FBXO42: variants seen among roughly 807,000 people sequenced by gnomAD.
FBXO42 encodes F-box only protein 42.
Under a neutral mutation model 71.7 loss-of-function variants are expected in FBXO42, and 12 were observed. The observed-to-expected ratio is 0.17, with a 90% CI of 0.11 to 0.27. The LOEUF is 0.27. Among genes scored for constraint, FBXO42 ranks in the 10% least tolerant of loss-of-function variants. The pLI is 1.00. For missense variants in FBXO42, 707 were observed against 911.9 expected (o/e 0.78, Z 2.89); for synonymous variants, 325 against 327.5 (o/e 0.99, Z 0.08).
chr1:16,275,256 C>T (rs773631586), intron 4 of FBXO42, among the ~76,000 whole-genome samples: 4 of 152,172 alleles, frequency 2.6e-5, no homozygotes, highest in African/African-American at 9.7e-5. Flanking sequence ...CCCATCATCA[C>T]TTCTAGAGAG....
chr1:16,305,323 G>A (rs2082238418), intron 3 of FBXO42, among the ~76,000 whole-genome samples: 1 of 152,184 alleles, frequency 6.6e-6, no homozygotes, highest in South Asian at 2.1e-4. Context: ...AGGAGGTCGA[G>A]GCTGCAGTGA....
At chr1:16,338,070 T>G (rs2082569119) in intron 1 of FBXO42, among the ~76,000 whole-genome samples, 1 of 151,328 alleles carries the variant, frequency 6.6e-6, no homozygotes, top group Non-Finnish European at 1.5e-5. Context: ...CCATCCTGGC[T>G]AACACAGTGA....
intron 4 of FBXO42, 158 bp downstream of exon 4, chr1:16,294,625 C>T (rs1027943845): frequency 2.8e-6 from 2 of 709,014 alleles, no homozygotes; most frequent in African/African-American, 3.6e-5. Context: ...AAGACTTACA[C>T]AAGCATATTA....
intron 4 of FBXO42, among the ~76,000 whole-genome samples, chr1:16,274,363 G>A (rs1383513932): frequency 2.6e-5 from 4 of 151,904 alleles, no homozygotes; most frequent in African/African-American, 7.3e-5. Context: ...CAAAGCCACA[G>A]TGTTAGAAGT....
chr1:16,306,206 A>G (rs2082249340), intron 2 of FBXO42, among the ~76,000 whole-genome samples: 1 of 151,898 alleles, frequency 6.6e-6, no homozygotes, highest in Non-Finnish European at 1.5e-5. Context: ...TTTAGTAGAG[A>G]TGGGGTTTCA....
Position 16,250,715 on chromosome 1 carries a change from G to A in FBXO42, c.2109C>T (p.Tyr703=), listed in dbSNP as rs755171781. ...GLMDKKQNVK[Y]YPKTNALYFV... ...AGTACAAGGCGTTTGTTTTTGGATAGTACTTCACATTCTGTTTCTTGTCCA... is the reference window on the plus strand; with the variant it reads ...AGTACAAGGCGTTTGTTTTTGGATAATACTTCACATTCTGTTTCTTGTCCA... Residue 703 remains tyrosine (Y), a synonymous_variant, in exon 10 of 10, where the codon TAC becomes TAT. Coordinates refer to ENST00000375592, the MANE Select transcript of FBXO42 (RefSeq NM_018994.3). This position sits in a 1 kb window ranked among gnomAD's most constrained non-coding sequence, Gnocchi z 4.7. 3.1e-6 allele frequency: 5 copies of A among 1,614,024 alleles called. No homozygotes were observed. In the Admixed American group the frequency reaches 6.7e-5, roughly 22 times the overall value.
At chr1:16,329,178 A>T (rs1193077592) in intron 1 of FBXO42, among the ~76,000 whole-genome samples, 1 of 151,308 alleles carries the variant, frequency 6.6e-6, no homozygotes, top group East Asian at 1.9e-4. Flanking sequence ...AAAAAAAAAA[A>T]AAAAGAAAAT....
chr1:16,267,655 T>G (rs1443971971), intron 4 of FBXO42, among the ~76,000 whole-genome samples: 1 of 152,214 alleles, frequency 6.6e-6, no homozygotes, highest in Non-Finnish European at 1.5e-5. Flanking sequence ...CATTTTTTTC[T>G]TCCTATTTTA....
intron 4 of FBXO42, among the ~76,000 whole-genome samples, chr1:16,257,361 T>C (rs2081657565): frequency 6.6e-6 from 1 of 152,170 alleles, no homozygotes; most frequent in Admixed American, 6.5e-5. Context: ...CATAACCAGA[T>C]AGCCTCAGCC....
chr1:16,299,708 G>A (rs970897273), intron 3 of FBXO42, among the ~76,000 whole-genome samples: 3 of 151,876 alleles, frequency 2.0e-5, no homozygotes, highest in Non-Finnish European at 4.4e-5. Context: ...GCAGTGGCAC[G>A]ATCTCGGCTC....
Position 16,255,801 on chromosome 1 carries a change from G to A in FBXO42, c.677C>T (p.Thr226Ile). The change falls in exon 6 of 10, where the codon ACC (threonine) becomes ATC (isoleucine). Residue 226 changes from threonine (T) to isoleucine (I), a missense_variant. Transcript: ENST00000375592. ...SKNWWNCIVT[T>I]HGPPPMAGHS... is the part of the protein sequence containing the mutation. The stretch of plus-strand genomic sequence containing the variant: ...GCCAGCCATGGGAGGTGGCCCATGG[G>A]TTGTCACAATGCAGTTCCACCTAAT... The A allele has an allele frequency of 6.2e-7, 1 of 1,613,656 alleles. No individual in the cohort carries two copies. The highest frequency in any genetic ancestry group is 8.5e-7 in the Non-Finnish European group (1 of 1,179,800).
chr1:16,251,404 A>G lies in FBXO42; in HGVS notation c.1420T>C (p.Tyr474His). 6.2e-7 allele frequency: 1 copy of G among 1,614,112 alleles called. No homozygotes were observed. The highest frequency in any genetic ancestry group is 1.3e-5 in the African/African-American group (1 of 75,036). The change falls in exon 10 of 10, where the codon TAC becomes CAC. Residue 474 changes from tyrosine (Y) to histidine (H), a missense_variant. This residue lies in a region of FBXO42 where 482 missense variants were observed against 587.1 expected (regional missense o/e 0.82). Coordinates refer to ENST00000375592, the MANE Select transcript of FBXO42 (RefSeq NM_018994.3). The surrounding 1 kb of genome is among the most constrained non-coding windows in gnomAD (Gnocchi z 4.5). The stretch of plus-strand genomic sequence containing the variant: ...AAAGAAAGTCCTATTTTCAGGTCGT[A>G]TCCTTCAGGAGCAGATGGAGTACTT... Reference protein sequence around the residue: ...SPSTPSAPEGYDLKIGLSLAP... With the variant: ...SPSTPSAPEGHDLKIGLSLAP...
chr1:16,260,721 G>C (rs2081702125), intron 4 of FBXO42, among the ~76,000 whole-genome samples: 1 of 150,702 alleles, frequency 6.6e-6, no homozygotes, highest in Non-Finnish European at 1.5e-5. Context: ...TTTGAGATGA[G>C]GTCTCACTCT....
chr1:16,332,047 C>G (rs1184703132), intron 1 of FBXO42, among the ~76,000 whole-genome samples: 1 of 151,044 alleles, frequency 6.6e-6, no homozygotes, highest in Non-Finnish European at 1.5e-5. Flanking sequence ...AAAACTCCAT[C>G]TCCAAAAAAA....
intron 4 of FBXO42, among the ~76,000 whole-genome samples, chr1:16,263,545 A>G (rs1270843145): frequency 6.6e-6 from 1 of 151,802 alleles, no homozygotes; most frequent in African/African-American, 2.4e-5. Context: ...AACATGGTGA[A>G]GCCCCGTCTC....
intron 2 of FBXO42, among the ~76,000 whole-genome samples, chr1:16,310,490 C>A (rs950193022): frequency 2.2e-4 from 33 of 152,212 alleles, no homozygotes; most frequent in African/African-American, 7.7e-4. Flanking sequence ...CTGATCACGC[C>A]ACTAGACTCC....
chr1:16,313,883 T>C (rs906624797), intron 2 of FBXO42, among the ~76,000 whole-genome samples: 5 of 152,186 alleles, frequency 3.3e-5, no homozygotes, highest in African/African-American at 1.2e-4. Context: ...AGCCACTAAC[T>C]GCTTTCTGCT....
intron 3 of FBXO42, among the ~76,000 whole-genome samples, chr1:16,297,837 A>AG (rs1413021467): frequency 6.7e-6 from 1 of 148,604 alleles, no homozygotes; most frequent in Non-Finnish European, 1.5e-5. Flanking sequence ...ACCGCACTCC[A>AG]GCCTGGGCGA....
At chr1:16,298,287 T>C (rs1202377348) in intron 3 of FBXO42, among the ~76,000 whole-genome samples, 2 of 152,120 alleles carry the variant, frequency 1.3e-5, no homozygotes, top group African/African-American at 4.8e-5. Context: ...TAGAAGACAT[T>C]AGACAAACAA....
Sources: gnomAD v4.1 joint callset for allele counts (sites outside exome capture counted in the v4.1 genomes callset) on GRCh38, gnomAD v4.1.1 for gene constraint, gnomAD v4.1.1 regional missense constraint, Gnocchi (gnomAD v3.1) non-coding constraint, MANE v1.5 for transcripts, NCBI Gene and HGNC (gene_info 2026-07-23, HGNC 2026-07-21) for gene names.